RALYL: variants seen among roughly 807,000 people sequenced by gnomAD.
RALYL encodes RALY RNA binding protein like, also known as RNA-binding Raly-like protein.
RALYL carries 29 observed loss-of-function variants against 35.1 expected under a neutral mutation model. The observed-to-expected ratio is 0.83, with a 90% confidence interval of 0.61 to 1.13. The LOEUF is 1.13. RALYL is among the 50% of genes most tolerant of loss of function. The probability of loss-of-function intolerance (pLI) is 0.00; values close to 1 mark genes in which losing one functional copy is unlikely to be tolerated. For missense variants in RALYL, 359 were observed against 360.4 expected (o/e 1.00, Z 0.03); for synonymous variants, 120 against 127.6 (o/e 0.94, Z 0.40).
chr8:84,920,701 A>G (rs922883796), intron 8 of RALYL, among the ~76,000 whole-genome samples, 193 bp from the exon 9 acceptor site: 2 of 152,128 alleles, frequency 1.3e-5, no homozygotes, highest in Admixed American at 1.3e-4. Flanking sequence ...TCCATAAATG[A>G]AAATAATTAT....
At chr8:84,824,920 C>T (rs181556049) in intron 4 of RALYL, among the ~76,000 whole-genome samples, 22 of 151,968 alleles carry the variant, frequency 1.4e-4, no homozygotes, top group Admixed American at 7.2e-4. Flanking sequence ...TTAGAAAATA[C>T]CATTCTGGAC....
intron 2 of RALYL, among the ~76,000 whole-genome samples, chr8:84,659,048 A>G (rs1275231469): frequency 2.0e-5 from 3 of 152,148 alleles, no homozygotes; most frequent in African/African-American, 7.2e-5. Context: ...CTTCAGTGCT[A>G]GTGGTTTCAG....
At chr8:84,700,254 A>C (rs1056146601) in intron 2 of RALYL, among the ~76,000 whole-genome samples, 1 of 152,162 alleles carries the variant, frequency 6.6e-6, no homozygotes, top group African/African-American at 2.4e-5. Flanking sequence ...AATAAAATCA[A>C]TTGTAATTGT....
chr8:84,635,048 C>A (rs1032850533), intron 2 of RALYL, among the ~76,000 whole-genome samples: 8 of 151,742 alleles, frequency 5.3e-5, no homozygotes, highest in East Asian at 1.9e-4. Context: ...AGATAGTAAT[C>A]ATTCTTTATT....
chr8:84,448,694 C>T (rs1587364747), intron 1 of RALYL, among the ~76,000 whole-genome samples: 1 of 151,964 alleles, frequency 6.6e-6, no homozygotes, highest in Non-Finnish European at 1.5e-5. Context: ...ACAAGGAGAA[C>T]AAGTAGCTGT....
intron 2 of RALYL, among the ~76,000 whole-genome samples, chr8:84,643,347 T>C (rs1229494364): frequency 1.3e-5 from 2 of 152,044 alleles, no homozygotes; most frequent in South Asian, 2.1e-4. Context: ...AGGCAGAGGA[T>C]AGTTGAGTGC....
chr8:84,650,693 A>C (rs1457261932), intron 2 of RALYL, among the ~76,000 whole-genome samples: 6 of 151,480 alleles, frequency 4.0e-5, no homozygotes, highest in African/African-American at 1.5e-4. Context: ...AACTAGAAAT[A>C]CCATTTGACC....
intron 2 of RALYL, among the ~76,000 whole-genome samples, chr8:84,643,562 C>A (rs899954717): frequency 6.6e-6 from 1 of 151,986 alleles, no homozygotes; most frequent in Non-Finnish European, 1.5e-5. Flanking sequence ...TCACAGGCAT[C>A]CCTATGCCCC....
chr8:84,543,296 G>A (rs2060135899), intron 2 of RALYL, among the ~76,000 whole-genome samples: 1 of 151,432 alleles, frequency 6.6e-6, no homozygotes, highest in Non-Finnish European at 1.5e-5. Context: ...ATTCTAAAAA[G>A]AGAAATATTT....
At chr8:84,302,293 G>A (rs966702972) in intron 1 of RALYL, among the ~76,000 whole-genome samples, 2 of 152,098 alleles carry the variant, frequency 1.3e-5, no homozygotes, top group African/African-American at 4.8e-5. Flanking sequence ...TTAAGTCAAA[G>A]ACTTCTCATT....
chr8:84,281,137 G>C (rs1438101989), intron 1 of RALYL, among the ~76,000 whole-genome samples: 5 of 152,086 alleles, frequency 3.3e-5, no homozygotes, highest in African/African-American at 9.7e-5. Flanking sequence ...CTCCTAGCTT[G>C]CTTTTTGATT....
At chr8:84,644,847 G>T (rs1482865364) in intron 2 of RALYL, among the ~76,000 whole-genome samples, 4 of 151,856 alleles carry the variant, frequency 2.6e-5, no homozygotes, top group African/African-American at 9.7e-5. Flanking sequence ...CACCTCACAG[G>T]TTCAAGCGAT....
At chr8:84,564,445 C>CT (rs2061652413) in intron 2 of RALYL, among the ~76,000 whole-genome samples, 1 of 151,670 alleles carries the variant, frequency 6.6e-6, no homozygotes, top group Non-Finnish European at 1.5e-5. Context: ...TCTTCCCAAG[C>CT]TTATAACCTG....
chr8:84,228,268 T>C (rs1219381857), intron 1 of RALYL, among the ~76,000 whole-genome samples: 1 of 151,714 alleles, frequency 6.6e-6, no homozygotes, highest in Non-Finnish European at 1.5e-5. Flanking sequence ...GTCGCAAGAA[T>C]AAGCCAAGTT....
chr8:84,815,334 A>T (rs952211118), intron 4 of RALYL, among the ~76,000 whole-genome samples: 50 of 149,802 alleles, frequency 3.3e-4, no homozygotes, highest in Admixed American at 1.1e-3. Context: ...ATATAATTTC[A>T]ATATTTAATA....
intron 1 of RALYL, among the ~76,000 whole-genome samples, chr8:84,233,764 T>C (rs1228248772): frequency 6.6e-6 from 1 of 152,224 alleles, no homozygotes; most frequent in Non-Finnish European, 1.5e-5. Context: ...GTATTGATAA[T>C]GCAATAACTT....
chr8:84,347,427 C>T (rs73294930), intron 1 of RALYL, among the ~76,000 whole-genome samples: 8,003 of 151,940 alleles, frequency 0.053, 276 homozygotes, highest in African/African-American at 0.092. Context: ...TAGATTTCTC[C>T]GTCTTCCCCT....
At chr8:84,524,671 T>C (rs1426038784) in intron 1 of RALYL, among the ~76,000 whole-genome samples, 1 of 151,978 alleles carries the variant, frequency 6.6e-6, no homozygotes, top group Non-Finnish European at 1.5e-5. Context: ...AATAAATGTA[T>C]CATATATGGA....
chr8:84,236,814 A>G (rs1826679281), intron 1 of RALYL, among the ~76,000 whole-genome samples: 1 of 152,210 alleles, frequency 6.6e-6, no homozygotes, highest in Admixed American at 6.5e-5. Flanking sequence ...CCAAAAGAAA[A>G]TGGTTTCATG....
Sources: gnomAD v4.1 joint callset for allele counts (sites outside exome capture counted in the v4.1 genomes callset) on GRCh38, gnomAD v4.1.1 for gene constraint, MANE v1.5 for transcripts, NCBI Gene and HGNC (gene_info 2026-07-23, HGNC 2026-07-21) for gene names.